The following SEPTIN6 variants were observed in gnomAD, a reference collection of about 807,000 sequenced individuals.
SEPTIN6 encodes the protein septin-6.
Under a neutral mutation model 33.6 loss-of-function variants are expected in SEPTIN6, and 8 were observed. The observed-to-expected ratio is 0.24, with a 90% CI of 0.14 to 0.43. SEPTIN6 has a LOEUF of 0.43. Ranked by LOEUF, SEPTIN6 falls within the 20% of genes least tolerant of loss-of-function variation. The pLI, the probability that SEPTIN6 is intolerant of heterozygous loss-of-function variation, is 1.00. For missense variants in SEPTIN6, 250 were observed against 340.8 expected (o/e 0.73, Z 2.10); for synonymous variants, 131 against 140.0 (o/e 0.94, Z 0.45).
intron 3 of SEPTIN6, among the ~76,000 whole-genome samples, chrX:119,662,056 C>A (rs1489616346): frequency 9.4e-6 from 1 of 106,498 alleles, no homozygotes; most frequent in Non-Finnish European, 1.9e-5. Flanking sequence ...TCTTTCCTGT[C>A]CCCCCTCCTA....
At chrX:119,678,446 G>A (rs1487909016) in intron 1 of SEPTIN6, among the ~76,000 whole-genome samples, 4 of 109,566 alleles carry the variant, frequency 3.7e-5, no homozygotes, top group African/African-American at 1.3e-4. Flanking sequence ...CGTGAACCTG[G>A]GAGGCTGAGC....
At chrX:119,655,367 C>G (rs1176218999) in intron 3 of SEPTIN6, among the ~76,000 whole-genome samples, 2 of 110,520 alleles carry the variant, frequency 1.8e-5, no homozygotes, top group Non-Finnish European at 1.9e-5. Flanking sequence ...CCCCCAGGCC[C>G]CAGTGACTCA....
chrX:119,682,578 A>C (rs1222444447), intron 1 of SEPTIN6, among the ~76,000 whole-genome samples: 2 of 111,716 alleles, frequency 1.8e-5, no homozygotes, highest in African/African-American at 6.5e-5. Context: ...TCCTCTCCTG[A>C]GGACACACCA....
intron 1 of SEPTIN6, among the ~76,000 whole-genome samples, chrX:119,685,764 C>T (rs909520740): frequency 9.0e-6 from 1 of 111,399 alleles, no homozygotes; most frequent in African/African-American, 3.3e-5. Flanking sequence ...GTCAAGGAAC[C>T]GAATCTGGAA....
intron 1 of SEPTIN6, among the ~76,000 whole-genome samples, chrX:119,682,770 C>T (rs868580942): frequency 9.0e-6 from 1 of 111,057 alleles, no homozygotes; most frequent in East Asian, 2.8e-4. Context: ...TGATAGTAAG[C>T]AAGCCGTATT....
intron 2 of SEPTIN6, 145 bp downstream of exon 2, chrX:119,675,409 G>A: frequency 2.9e-6 from 1 of 341,732 alleles, no homozygotes; most frequent in African/African-American, 2.7e-5. Flanking sequence ...ACAAAAAACA[G>A]GCAGAGAGAT....
At chrX:119,626,117 GC>G (rs1432543927) in intron 9 of SEPTIN6, among the ~76,000 whole-genome samples, 1 of 111,921 alleles carries the variant, frequency 8.9e-6, no homozygotes, top group Non-Finnish European at 1.9e-5. Context: ...ATTCTGTTAG[GC>G]CCTTATTGCT....
rs751338056 is a variant in SEPTIN6, at chrX:119,617,467, C to T, written c.*2626G>A. The stretch of plus-strand genomic sequence containing the variant: ...CTGTTACACACAGTCTCCTGGACCC[C>T]GTTCCAGCCTTGCAGCATCACTGGG... On this transcript the variant is annotated 3_prime_UTR_variant, in exon 11 of 11. Transcript: ENST00000394610. The T allele has an allele frequency of 8.7e-6, 7 of 802,341 alleles. No individual in the cohort carries two copies. The highest frequency in any genetic ancestry group is 7.1e-5 in the East Asian group (1 of 14,019). The allele number at this position is 802,341 out of a possible 1,213,427, so 66.1% of individuals were successfully genotyped here.
rs779678789 is a variant in SEPTIN6, at chrX:119,665,103, C to CTT, written c.146-1428_146-1427dup. On this transcript the variant is annotated intron_variant, in intron 2 of 10. Transcript: ENST00000394610. The stretch of plus-strand genomic sequence containing the variant: ...CACAAAAATTCTTCTTCTTCTTCTT[C>CTT]TTTTTTTTTTTTTTTTTTGATACAG... Among the ~76,000 whole-genome samples the CTT allele has an allele frequency of 9.8e-4, 90 of 91,767 alleles. 1 individual carries two copies. The highest frequency in any genetic ancestry group is 3.8e-3 in the African/African-American group (88 of 23,317). 79.7% of individuals were successfully genotyped at this position (91,767 alleles called of 115,157 possible). A position where few individuals can be genotyped will look rare whatever the true frequency, so the allele number is the denominator to read the frequency against.
intron 1 of SEPTIN6, among the ~76,000 whole-genome samples, chrX:119,692,743 C>A (rs2055198820): frequency 8.9e-6 from 1 of 112,750 alleles, no homozygotes; most frequent in African/African-American, 3.2e-5. Flanking sequence ...GCGGCTCCTA[C>A]GGCCATTCAT....
intron 2 of SEPTIN6, among the ~76,000 whole-genome samples, chrX:119,671,388 C>T (rs1391522347): frequency 9.3e-6 from 1 of 108,036 alleles, no homozygotes; most frequent in Non-Finnish European, 1.9e-5. Context: ...CCCGGGTTCA[C>T]GCCATTCTCC....
At position 119,637,068 on chromosome X, in the gene SEPTIN6, C is replaced by T; in HGVS notation, c.915G>A (p.Glu305=). Residue 305 remains glutamate (E), a synonymous_variant, in exon 7 of 11, where the codon GAG becomes GAA. Transcript: ENST00000394610. ...CAGGGTCGGTGTCCTTGAAGCCCAT[C>T]TCCTCCAGCTTACAGCGGCGATACA... ...YELYRRCKLE[E]MGFKDTDPDS... The T allele has an allele frequency of 8.3e-7, 1 of 1,211,613 alleles. No homozygotes were observed. Among genetic ancestry groups the T allele is most frequent in the Non-Finnish European group, 1.1e-6 (1 of 895,474 alleles).
intron 3 of SEPTIN6, among the ~76,000 whole-genome samples, chrX:119,655,153 T>C (rs2054418425): frequency 1.8e-5 from 2 of 110,600 alleles, no homozygotes; most frequent in Non-Finnish European, 3.8e-5. Flanking sequence ...GTGCCTGTCT[T>C]ACTGCAATTG....
rs540271869 is a variant in SEPTIN6 at position 119,648,575 on chromosome X, G to A, written c.690+1362C>T. 9.0e-5 allele frequency among the ~76,000 whole-genome samples: 10 copies of A among 111,551 alleles called. No homozygotes were observed. In the South Asian group the frequency reaches 3.8e-3, roughly 42 times the overall value. On this transcript the variant is annotated intron_variant, in intron 5 of 10. Transcript: ENST00000394610. ...GAGAAGACCTATCTCTACCTACCATGCTCCAGATAGCCTTACCCTTGAGCC... is the reference window on the plus strand; with the variant it reads ...GAGAAGACCTATCTCTACCTACCATACTCCAGATAGCCTTACCCTTGAGCC...
intron 8 of SEPTIN6, among the ~76,000 whole-genome samples, chrX:119,630,143 G>T (rs992135690): frequency 1.1e-3 from 122 of 111,713 alleles, no homozygotes; most frequent in African/African-American, 3.8e-3. Flanking sequence ...AGAAATTACC[G>T]AGTAATTACA....
chrX:119,662,018 G>T (rs187890081), intron 3 of SEPTIN6, among the ~76,000 whole-genome samples: 1 of 111,764 alleles, frequency 8.9e-6, no homozygotes, highest in Non-Finnish European at 1.9e-5. Flanking sequence ...GATTACAGGC[G>T]TGAGCCACCT....
At chrX:119,688,718 A>G (rs903849245) in intron 1 of SEPTIN6, among the ~76,000 whole-genome samples, 1 of 109,350 alleles carries the variant, frequency 9.1e-6, no homozygotes, top group Non-Finnish European at 1.9e-5. Context: ...GGGAAAAAAA[A>G]AAAAAAAAGG....
chrX:119,616,614 G>A, downstream of SEPTIN6: 2 of 846,960 alleles, frequency 2.4e-6, no homozygotes, highest in Non-Finnish European at 3.5e-6. Flanking sequence ...ATGTGTGTGT[G>A]CTTGCAGTTT....
chrX:119,678,403 C>T (rs1188161333), intron 1 of SEPTIN6, among the ~76,000 whole-genome samples: 1 of 109,820 alleles, frequency 9.1e-6, no homozygotes. Context: ...GCCTGTAGTC[C>T]CAGCTACTCA....
Sources: gnomAD v4.1 joint callset for allele counts (sites outside exome capture counted in the v4.1 genomes callset) on GRCh38, gnomAD v4.1.1 for gene constraint, MANE v1.5 for transcripts, NCBI Gene and HGNC (gene_info 2026-07-23, HGNC 2026-07-21) for gene names.